PCSK5: variants seen among roughly 807,000 people sequenced by gnomAD.
PCSK5 encodes the protein proprotein convertase subtilisin/kexin type 5, also known as prohormone convertase 5.
PCSK5 carries 129 observed loss-of-function variants against 233.2 expected under a neutral mutation model. That is an observed-to-expected ratio of 0.55 (90% CI 0.48 to 0.64). PCSK5 has a LOEUF of 0.64. Among genes scored for constraint, PCSK5 ranks in the 30% least tolerant of loss-of-function variants. PCSK5 has a pLI of 0.00. For synonymous variants in PCSK5, 825 were observed against 879.2 expected, an observed-to-expected ratio of 0.94 and a Z score of 1.09; for missense variants, 2,076 against 2,430.1, an observed-to-expected ratio of 0.85 and a Z score of 3.06.
intron 20 of PCSK5, among the ~76,000 whole-genome samples, chr9:76,211,745 G>A (rs1027953950): frequency 1.3e-5 from 2 of 152,202 alleles, no homozygotes; most frequent in Non-Finnish European, 2.9e-5. Flanking sequence ...CTACTCAGGA[G>A]GCTGAGGCTA....
At chr9:76,022,260 C>T (rs1327789320) in intron 3 of PCSK5, among the ~76,000 whole-genome samples, 3 of 152,186 alleles carry the variant, frequency 2.0e-5, no homozygotes, top group East Asian at 3.8e-4. Flanking sequence ...ATCTGCCTTG[C>T]GCACAGCCAT....
chr9:76,345,862 G>A (rs1252379112), intron 35 of PCSK5, among the ~76,000 whole-genome samples: 2 of 152,154 alleles, frequency 1.3e-5, no homozygotes, highest in Non-Finnish European at 2.9e-5. Context: ...TGGGACTACA[G>A]GCGTGTGCCA....
At chr9:76,128,947 A>C (rs6560501) in intron 9 of PCSK5, among the ~76,000 whole-genome samples, 1 of 152,004 alleles carries the variant, frequency 6.6e-6, no homozygotes, top group Admixed American at 6.6e-5. Context: ...CCCCAGTGGC[A>C]GATACTCCTG....
At chr9:76,002,518 TTA>T (rs1222479117) in intron 3 of PCSK5, among the ~76,000 whole-genome samples, 1 of 152,214 alleles carries the variant, frequency 6.6e-6, no homozygotes, top group African/African-American at 2.4e-5. Flanking sequence ...AACGTAAGAT[TTA>T]TTTACTGTGG....
intron 5 of PCSK5, among the ~76,000 whole-genome samples, chr9:76,064,100 C>T (rs1277503767): frequency 1.6e-5 from 2 of 121,648 alleles, no homozygotes; most frequent in South Asian, 3.0e-4. Context: ...AGGCGCCCCT[C>T]ACCTCCCAGA....
intron 5 of PCSK5, among the ~76,000 whole-genome samples, chr9:76,042,118 A>G (rs1353207005): frequency 2.6e-5 from 4 of 152,220 alleles, no homozygotes; most frequent in South Asian, 2.1e-4. Context: ...GTTTTGCTAC[A>G]TCCCTGCCCT....
chr9:76,012,406 T>A (rs1017616667), intron 3 of PCSK5, among the ~76,000 whole-genome samples: 2 of 152,180 alleles, frequency 1.3e-5, no homozygotes, highest in Non-Finnish European at 2.9e-5. Flanking sequence ...CCAGTGGACA[T>A]CTGACTGCAA....
chr9:76,046,898 A>G (rs766128057), intron 5 of PCSK5, among the ~76,000 whole-genome samples: 3 of 152,036 alleles, frequency 2.0e-5, no homozygotes, highest in Non-Finnish European at 2.9e-5. Context: ...CAGTCTGTGA[A>G]CACACTTCTT....
intron 8 of PCSK5, among the ~76,000 whole-genome samples, chr9:76,101,352 T>C (rs1366043662): frequency 6.6e-6 from 1 of 152,224 alleles, no homozygotes; most frequent in African/African-American, 2.4e-5. Context: ...GAAACGTTAT[T>C]TGACAGGATA....
In PCSK5 at chr9:76,249,190, C is replaced by G. The variant is rs1229458806; in HGVS notation, c.3142+8506C>G. On this transcript the variant is annotated intron_variant, in intron 24 of 37. Coordinates refer to ENST00000674117, the MANE Select transcript of PCSK5 (RefSeq NM_001372043.1). Reference sequence around the variant, plus strand: ...GTCGTGACTGGAAGGTTGTTACTTGCATCTGGTGGATAGAGGTTGAGGATG... The same window carrying G: ...GTCGTGACTGGAAGGTTGTTACTTGGATCTGGTGGATAGAGGTTGAGGATG... Among the ~76,000 whole-genome samples, 5 of 152,316 alleles carry G rather than the reference C, an allele frequency of 3.3e-5. No individual in the cohort carries two copies. In the South Asian group the frequency reaches 1.0e-3, roughly 32 times the overall value.
intron 30 of PCSK5, among the ~76,000 whole-genome samples, chr9:76,320,305 C>T (rs552032195): frequency 6.6e-6 from 1 of 151,690 alleles, no homozygotes; most frequent in South Asian, 2.1e-4. Flanking sequence ...TGGCACGCAC[C>T]TCTAGTCCCA....
chr9:76,125,067 T>A (rs1832792199), intron 9 of PCSK5, among the ~76,000 whole-genome samples: 1 of 152,092 alleles, frequency 6.6e-6, no homozygotes, highest in Non-Finnish European at 1.5e-5. Context: ...CATTTCTTTT[T>A]CCTTTCTTTG....
intron 17 of PCSK5, 61 bp from the exon 18 acceptor site, chr9:76,188,517 G>A: frequency 9.8e-7 from 1 of 1,021,306 alleles, no homozygotes; most frequent in Non-Finnish European, 1.5e-6. Context: ...AGTTTGGGGA[G>A]TCATTACGTT....
chr9:76,188,429 TA>T (rs1451302080), intron 17 of PCSK5, 148 bp from the exon 18 acceptor site: 4 of 587,350 alleles, frequency 6.8e-6, no homozygotes, highest in African/African-American at 1.9e-5. Context: ...AAAAAAAGGG[TA>T]CACGGGCTAT....
intron 2 of PCSK5, among the ~76,000 whole-genome samples, chr9:75,947,805 G>A (rs1824643910): frequency 1.3e-5 from 2 of 152,132 alleles, no homozygotes; most frequent in Admixed American, 1.3e-4. Context: ...GCATGAGAGA[G>A]ATACCCAGAG....
At chr9:76,185,031 G>A (rs746632619) in intron 17 of PCSK5, among the ~76,000 whole-genome samples, 56 of 152,280 alleles carry the variant, frequency 3.7e-4, no homozygotes, top group Non-Finnish European at 6.5e-4. Flanking sequence ...CATTTGAGAG[G>A]CATTCTTTGT....
intron 13 of PCSK5, among the ~76,000 whole-genome samples, chr9:76,174,454 G>A (rs1209886972): frequency 3.3e-5 from 5 of 152,024 alleles, no homozygotes; most frequent in East Asian, 1.9e-4. Context: ...CTACAGGCAC[G>A]TGCCACTGCG....
At chr9:75,929,593 G>A (rs1198073625) in intron 1 of PCSK5, among the ~76,000 whole-genome samples, 1 of 152,116 alleles carries the variant, frequency 6.6e-6, no homozygotes, top group Non-Finnish European at 1.5e-5. Context: ...GCCGCAGGTG[G>A]AGGGAGCAAT....
At chr9:76,260,321 C>A (rs547216008) in intron 24 of PCSK5, among the ~76,000 whole-genome samples, 2 of 152,152 alleles carry the variant, frequency 1.3e-5, no homozygotes, top group African/African-American at 4.8e-5. Flanking sequence ...GAATATGTAA[C>A]CCTACACAGC....
Sources: allele counts gnomAD v4.1 joint callset (sites outside exome capture counted in the v4.1 genomes callset), GRCh38; gene constraint gnomAD v4.1.1; transcripts MANE v1.5; gene names NCBI Gene and HGNC (gene_info 2026-07-23, HGNC 2026-07-21).